Variants in ECE1 observed in about 807,000 individuals in gnomAD.
The protein encoded by ECE1 is endothelin-converting enzyme 1.
A neutral mutation model predicts 98.6 loss-of-function variants in ECE1; 35 were observed. The ratio of observed to expected loss-of-function variants is 0.35; its 90% confidence interval spans 0.27 to 0.47. The LOEUF (loss-of-function observed/expected upper bound fraction) is 0.47, where lower values mean the gene tolerates loss of function less well. Ranked by LOEUF, ECE1 falls within the 20% of genes least tolerant of loss-of-function variation. The probability of loss-of-function intolerance (pLI) is 1.00; values close to 1 mark genes in which losing one functional copy is unlikely to be tolerated. For missense variants in ECE1, 814 were observed against 1,025.3 expected, an observed-to-expected ratio of 0.79 and a Z score of 2.81; for synonymous variants, 394 against 407.1, an observed-to-expected ratio of 0.97 and a Z score of 0.39.
At chr1:21,287,925 TCCC>T (rs771409947) in intron 2 of ECE1, among the ~76,000 whole-genome samples, 4 of 150,804 alleles carry the variant, frequency 2.7e-5, no homozygotes, top group Admixed American at 6.6e-5. Flanking sequence ...TCTTTTTTTC[TCCC>T]CCAAGTGAGC....
Position 21,290,270 on chromosome 1 carries a change from A to AC in ECE1, c.51+93dup. ...GCCGCCGCGCCCCGCCCCGGCCTGG[A>AC]CACCCGAGACCGAGACCGGCCCACG... is the stretch of plus-strand genomic sequence containing the variant. On this transcript the variant is annotated intron_variant, in intron 1 of 18. Transcript: ENST00000374893. This position sits in a 1 kb window ranked among gnomAD's most constrained non-coding sequence, Gnocchi z 7.3. The AC allele has an allele frequency of 7.5e-7, 1 of 1,338,368 alleles. No individual in the cohort carries two copies. Among genetic ancestry groups the AC allele is most frequent in the East Asian group, 3.2e-5 (1 of 31,162 alleles). 82.9% of individuals were successfully genotyped at this position (1,338,368 alleles called of 1,614,324 possible). A position where few individuals can be genotyped will look rare whatever the true frequency, so the allele number is the denominator to read the frequency against.
chr1:21,334,149 C>G (rs980546478), intron 1 of ECE1, among the ~76,000 whole-genome samples: 7 of 152,122 alleles, frequency 4.6e-5, no homozygotes, highest in African/African-American at 1.2e-4. Context: ...AGTCTAGAAT[C>G]AGGGTCTAAG....
At chr1:21,321,875 C>G (rs1037302955) in intron 1 of ECE1, among the ~76,000 whole-genome samples, 2 of 152,190 alleles carry the variant, frequency 1.3e-5, no homozygotes, top group African/African-American at 4.8e-5. Flanking sequence ...CTTGGCCTCC[C>G]AAAGTGCTGG....
chr1:21,286,993 C>A (rs758629005), intron 2 of ECE1, among the ~76,000 whole-genome samples: 2 of 151,150 alleles, frequency 1.3e-5, no homozygotes, highest in Admixed American at 1.3e-4. Flanking sequence ...TGGTTAAATT[C>A]AACATTGGCC....
chr1:21,250,462 T>C (rs956376473), intron 8 of ECE1, among the ~76,000 whole-genome samples: 14 of 152,214 alleles, frequency 9.2e-5, no homozygotes, highest in African/African-American at 2.9e-4. Flanking sequence ...CTCATCAATA[T>C]TGGCCATTAC....
intron 1 of ECE1, among the ~76,000 whole-genome samples, chr1:21,331,455 G>A (rs1313579702): frequency 1.3e-5 from 2 of 152,056 alleles, no homozygotes; most frequent in Non-Finnish European, 2.9e-5. Flanking sequence ...GGTGGTGCAC[G>A]CTTGTAGTCT....
chr1:21,313,923 C>A (rs878960173), intron 1 of ECE1, among the ~76,000 whole-genome samples: 1 of 152,060 alleles, frequency 6.6e-6, no homozygotes, highest in African/African-American at 2.4e-5. Flanking sequence ...GCTGGAATGA[C>A]CCTGGGTTCA....
intron 1 of ECE1, among the ~76,000 whole-genome samples, chr1:21,304,788 C>T (rs1161441614): frequency 6.6e-6 from 1 of 151,982 alleles, no homozygotes; most frequent in African/African-American, 2.4e-5. Context: ...GTGCATTTCA[C>T]TGTAATGGAA....
chr1:21,317,782 G>A (rs1159052651), intron 1 of ECE1, among the ~76,000 whole-genome samples: 3 of 152,184 alleles, frequency 2.0e-5, no homozygotes, highest in African/African-American at 7.2e-5. Flanking sequence ...ATCCTCTGGA[G>A]ACGCACGAGT....
intron 14 of ECE1, among the ~76,000 whole-genome samples, chr1:21,231,888 A>G (rs1367606220): frequency 6.6e-6 from 1 of 152,264 alleles, no homozygotes; most frequent in Non-Finnish European, 1.5e-5. Context: ...CGTTCGAATT[A>G]CAGGCGTGGG....
intron 14 of ECE1, among the ~76,000 whole-genome samples, chr1:21,228,267 A>G (rs1170316672): frequency 6.6e-6 from 1 of 152,058 alleles, no homozygotes; most frequent in East Asian, 1.9e-4. Flanking sequence ...TCGTGTGATC[A>G]TGGCTGACTG....
chr1:21,304,315 CAAAAAAAAAAAAAA>C (rs71014183), intron 1 of ECE1, among the ~76,000 whole-genome samples: 19 of 48,620 alleles, frequency 3.9e-4, no homozygotes, highest in East Asian at 1.6e-3. Context: ...GACTCCCTCT[CAAAAAAAAAAAAAA>C]AAAAAAAAAA....
At position 21,258,983 on chromosome 1, in the gene ECE1, T is replaced by C; in HGVS notation, c.616-144A>G. 2 of 1,232,068 alleles carry C rather than the reference T, an allele frequency of 1.6e-6. No homozygotes were observed. The highest frequency in any genetic ancestry group is 2.3e-6 in the Non-Finnish European group (2 of 886,606). 76.3% of individuals were successfully genotyped at this position (1,232,068 alleles called of 1,614,324 possible). On this transcript the variant is annotated intron_variant, in intron 5 of 18. Coordinates refer to ENST00000374893, the MANE Select transcript of ECE1 (RefSeq NM_001397.3). This position sits in a 1 kb window ranked among gnomAD's most constrained non-coding sequence, Gnocchi z 4.2. ...CCTCAAGAGCAAAGGAAAGGATTGG[T>C]CTTCATCGGGGGTTTCCGACCCATG... is the stretch of plus-strand genomic sequence containing the variant.
At position 21,307,477 on chromosome 1, in the gene ECE1, C is replaced by T. The variant is rs986272215; in HGVS notation, c.4-17321G>A. On this transcript the variant is annotated intron_variant, in intron 1 of 18. Coordinates refer to the ECE1 transcript ENST00000415912. The surrounding 1 kb of genome is among the most constrained non-coding windows in gnomAD (Gnocchi z 4.2). ...CACCACTAGAGTCTGTGTAAAGTGC[C>T]AAGCACAGTGGCTGGCACATATTAA... is the stretch of plus-strand genomic sequence containing the variant. 7.2e-5 allele frequency among the ~76,000 whole-genome samples: 11 copies of T among 152,252 alleles called. No individual in the cohort carries two copies. In the East Asian group the frequency reaches 1.9e-3, roughly 27 times the overall value.
At chr1:21,251,226 A>G (rs2098212432) in intron 8 of ECE1, among the ~76,000 whole-genome samples, 1 of 151,222 alleles carries the variant, frequency 6.6e-6, no homozygotes, top group African/African-American at 2.4e-5. Flanking sequence ...ACAGTTAACA[A>G]CTGCGCCGGG....
chr1:21,219,866 A>C lies in ECE1; in HGVS notation c.*89T>G, dbSNP rs1422799353. The C allele has an allele frequency of 1.1e-5, 17 of 1,565,702 alleles. 1 individual carries two copies. The South Asian group carries it at 1.9e-4, about 18-fold the overall frequency. The stretch of plus-strand genomic sequence containing the variant: ...TGAGGAAGCAGGGCCCCGGGTGGCC[A>C]AGCGGGCTGAGCAATGCCCTGGAGG... On this transcript the variant is annotated 3_prime_UTR_variant, in exon 19 of 19. Coordinates refer to ENST00000374893, the MANE Select transcript of ECE1 (RefSeq NM_001397.3). This position sits in a 1 kb window ranked among gnomAD's most constrained non-coding sequence, Gnocchi z 4.5.
rs1015537846 is a variant in ECE1 at position 21,236,829 on chromosome 1, G to C, written c.1405C>G (p.Leu469Val). Residue 469 changes from leucine (L) to valine (V), a missense_variant, in exon 12 of 19, where the codon CTG becomes GTG. This residue lies in a region of ECE1 where 452 missense variants were observed against 567.3 expected (regional missense o/e 0.80). Transcript: ENST00000374893. ...DSKSIATEII[L>V]EIKKAFEESL... is the part of the protein sequence containing the mutation. ...TCCTCAAATGCCTTCTTAATCTCCA[G>C]GATGATCTCGGTGGCCTGAGGAGAT... The C allele has an allele frequency of 2.5e-6, 4 of 1,613,728 alleles. No homozygotes were observed. The highest frequency in any genetic ancestry group is 3.4e-6 in the Non-Finnish European group (4 of 1,179,994).
In ECE1 at chr1:21,225,447, G is replaced by A; in HGVS notation, c.1850-7C>T. Reference sequence around the variant, plus strand: ...TCCTTGTCATACTCCCGTCCTGTGGGTCAGAGGGAGGCGTCATGTCAAGGG... The same window carrying A: ...TCCTTGTCATACTCCCGTCCTGTGGATCAGAGGGAGGCGTCATGTCAAGGG... On this transcript the variant is annotated splice_region_variant and splice_polypyrimidine_tract_variant and intron_variant, in intron 16 of 18. Coordinates refer to ENST00000374893, the MANE Select transcript of ECE1 (RefSeq NM_001397.3). The surrounding 1 kb of genome is among the most constrained non-coding windows in gnomAD (Gnocchi z 5.3). The A allele has an allele frequency of 6.2e-7, 1 of 1,613,684 alleles. No individual in the cohort carries two copies. The highest frequency in any genetic ancestry group is 1.1e-5 in the South Asian group (1 of 90,972).
At position 21,235,773 on chromosome 1, in the gene ECE1, T is replaced by C. The variant is rs1573943503; in HGVS notation, c.1566+77A>G. On this transcript the variant is annotated intron_variant, in intron 13 of 18. Transcript: ENST00000374893. This position sits in a 1 kb window ranked among gnomAD's most constrained non-coding sequence, Gnocchi z 4.2. ...CAACCATGCTGCCTCTAGCACCCCATCTGGACCCAGCCCTGCCTCGGCCCT... is the reference window on the plus strand; with the variant it reads ...CAACCATGCTGCCTCTAGCACCCCACCTGGACCCAGCCCTGCCTCGGCCCT... 1 of 1,474,212 alleles carries C rather than the reference T, an allele frequency of 6.8e-7. No homozygotes were observed. Among genetic ancestry groups the C allele is most frequent in the East Asian group, 2.3e-5 (1 of 44,182 alleles). The allele number at this position is 1,474,212 out of a possible 1,614,324, so 91.3% of individuals were successfully genotyped here.
Sources: gnomAD v4.1 joint callset for allele counts (sites outside exome capture counted in the v4.1 genomes callset) on GRCh38, gnomAD v4.1.1 for gene constraint, gnomAD v4.1.1 regional missense constraint, Gnocchi (gnomAD v3.1) non-coding constraint, MANE v1.5 for transcripts, NCBI Gene and HGNC (gene_info 2026-07-23, HGNC 2026-07-21) for gene names.